The following EMC8 variants were observed in gnomAD, a reference collection of about 807,000 sequenced individuals.
The protein encoded by EMC8 is COX4 neighbor.
A neutral mutation model predicts 24.3 loss-of-function variants in EMC8; 11 were observed. The observed-to-expected ratio is 0.45, with a 90% confidence interval of 0.28 to 0.75. The LOEUF is 0.75. EMC8 is among the 30% of genes least tolerant of loss of function. The probability of loss-of-function intolerance (pLI) is 0.12; values close to 1 mark genes in which losing one functional copy is unlikely to be tolerated. For synonymous variants in EMC8, 145 were observed against 117.7 expected (o/e 1.23, Z -1.50); for missense variants, 277 against 282.7 (o/e 0.98, Z 0.14).
At chr16:85,795,491 T>A (rs1486233852) in intron 1 of EMC8, among the ~76,000 whole-genome samples, 1 of 152,136 alleles carries the variant, frequency 6.6e-6, no homozygotes, top group African/African-American at 2.4e-5. Context: ...CCCCACCTTC[T>A]CCTGCCCTCC....
rs1904503328 is a variant in EMC8, at chr16:85,781,605, T to G, written c.309-325A>C. The G allele has an allele frequency of 3.1e-5, 5 of 158,912 alleles. No homozygotes were observed. In the South Asian group the frequency reaches 4.4e-4, roughly 14 times the overall value. 9.8% of individuals were successfully genotyped at this position (158,912 alleles called of 1,614,324 possible). A position where few individuals can be genotyped will look rare whatever the true frequency, so the allele number is the denominator to read the frequency against. ...ACCACACCCAGTTACTTTTTAGTGTTTTTTTTTGCTTTTTTTTTTTTTTTT... is the reference window on the plus strand; with the variant it reads ...ACCACACCCAGTTACTTTTTAGTGTGTTTTTTTGCTTTTTTTTTTTTTTTT... On this transcript the variant is annotated intron_variant, in intron 2 of 4. Coordinates refer to ENST00000253457, the MANE Select transcript of EMC8 (RefSeq NM_006067.5).
intron 1 of EMC8, among the ~76,000 whole-genome samples, chr16:85,789,430 T>G (rs1002553639): frequency 1.3e-5 from 2 of 152,150 alleles, no homozygotes; most frequent in African/African-American, 4.8e-5. Context: ...AAACAAAGCT[T>G]AGAGAGGTTC....
chr16:85,799,013 C>T lies in EMC8; in HGVS notation c.231+52G>A. On this transcript the variant is annotated intron_variant, in intron 1 of 4. Coordinates refer to ENST00000253457, the MANE Select transcript of EMC8 (RefSeq NM_006067.5). The surrounding 1 kb of genome is among the most constrained non-coding windows in gnomAD (Gnocchi z 4.2). ...GCTGGGCCAGCTTCCTCTCTGCTGA[C>T]TGAGGGGAGGCCAGGCTGCCTGCAA... The T allele has an allele frequency of 7.7e-7, 1 of 1,293,446 alleles. No individual in the cohort carries two copies. The highest frequency in any genetic ancestry group is 1.1e-6 in the Non-Finnish European group (1 of 932,098). The allele number at this position is 1,293,446 out of a possible 1,614,324, so 80.1% of individuals were successfully genotyped here. A position where few individuals can be genotyped will look rare whatever the true frequency, so the allele number is the denominator to read the frequency against.
chr16:85,789,057 G>C lies in EMC8; in HGVS notation c.232-7C>G. 6.2e-7 allele frequency: 1 copy of C among 1,607,890 alleles called. No homozygotes were observed. The highest frequency in any genetic ancestry group is 8.5e-7 in the Non-Finnish European group (1 of 1,174,512). On this transcript the variant is annotated splice_polypyrimidine_tract_variant and splice_region_variant and intron_variant, in intron 1 of 4. Coordinates refer to ENST00000253457, the MANE Select transcript of EMC8 (RefSeq NM_006067.5). ...CTTTGCACCATGAATCAATCTGAAA[G>C]AGGAACAAAAATTGGGAAAAGATGA...
At chr16:85,780,305 C>T (rs1378319343) in intron 4 of EMC8, 74 bp downstream of exon 4, 9 of 1,047,862 alleles carry the variant, frequency 8.6e-6, no homozygotes, top group Admixed American at 1.8e-5. Flanking sequence ...AAAACACAGG[C>T]GGGGTGAGAG....
intron 1 of EMC8, among the ~76,000 whole-genome samples, chr16:85,797,789 A>T (rs1014592115): frequency 6.6e-6 from 1 of 152,254 alleles, no homozygotes; most frequent in African/African-American, 2.4e-5. Flanking sequence ...GCTACTTCTT[A>T]CATCAATTAG....
At chr16:85,789,578 G>A (rs1209456606) in intron 1 of EMC8, among the ~76,000 whole-genome samples, 1 of 151,942 alleles carries the variant, frequency 6.6e-6, no homozygotes, top group Non-Finnish European at 1.5e-5. Context: ...GATCACCTGA[G>A]GTCAAGAGTT....
chr16:85,780,443 C>A lies in EMC8; in HGVS notation c.409G>T (p.Val137Leu), dbSNP rs771586349. ...VDNTKFTMDC[V>L]APTIHVYEHH... ...TCGTACACGTGGATCGTAGGCGCTA[C>A]GCAGTCCATCGTAAACTTGGTGTTG... Residue 137 changes from valine (V) to leucine (L), a missense_variant, in exon 4 of 5, where the codon GTA (valine) becomes TTA (leucine). Coordinates refer to ENST00000253457, the MANE Select transcript of EMC8 (RefSeq NM_006067.5). 9 of 1,614,028 alleles carry A rather than the reference C, an allele frequency of 5.6e-6. No individual in the cohort carries two copies. Among genetic ancestry groups the A allele is most frequent in the African/African-American group, 2.7e-5 (2 of 74,956 alleles).
At position 85,796,490 on chromosome 16, in the gene EMC8, G is replaced by A. The variant is rs1046497852; in HGVS notation, c.231+2575C>T. ...CTGCTGCAGGCTGGGGCCATCACTC[G>A]AAGGCACTGATCTGATCACGCAACT... On this transcript the variant is annotated intron_variant, in intron 1 of 4. Coordinates refer to ENST00000253457, the MANE Select transcript of EMC8 (RefSeq NM_006067.5). Among the ~76,000 whole-genome samples, 3 of 152,102 alleles carry A rather than the reference G, an allele frequency of 2.0e-5. No homozygotes were observed. The East Asian group carries it at 5.8e-4, about 29-fold the overall frequency.
At chr16:85,780,041 G>C in intron 4 of EMC8, 174 bp from the exon 5 acceptor site, 2 of 619,014 alleles carry the variant, frequency 3.2e-6, no homozygotes, top group South Asian at 2.0e-5. Context: ...TAGAAGACAT[G>C]GTTAATACAT....
At chr16:85,785,093 T>C (rs1904691952) in intron 2 of EMC8, 1 of 152,302 alleles carries the variant, frequency 6.6e-6, no homozygotes, top group African/African-American at 2.4e-5. Context: ...ACCACAGGCG[T>C]AGGCCACCAT....
rs66645296 is a variant in EMC8, at chr16:85,779,333, C to CT, written c.*374dup. ...CACTCATTGGAGTATAAGATGTGGG[C>CT]TTTTTTTTTTTTTTTTAAAAAAAGA... On this transcript the variant is annotated 3_prime_UTR_variant, in exon 5 of 5. Coordinates refer to ENST00000253457, the MANE Select transcript of EMC8 (RefSeq NM_006067.5). 2.0e-4 allele frequency: 30 copies of CT among 152,832 alleles called. No individual in the cohort carries two copies. Among genetic ancestry groups the CT allele is most frequent in the African/African-American group, 6.6e-4 (26 of 39,298 alleles). The allele number at this position is 152,832 out of a possible 1,614,324, so 9.5% of individuals were successfully genotyped here.
chr16:85,791,151 A>C (rs1904992797), intron 1 of EMC8, among the ~76,000 whole-genome samples: 2 of 152,016 alleles, frequency 1.3e-5, no homozygotes, highest in Non-Finnish European at 2.9e-5. Context: ...GCAAGAAATA[A>C]ATTTTATTGA....
intron 1 of EMC8, among the ~76,000 whole-genome samples, chr16:85,789,467 G>C (rs955837042): frequency 6.6e-6 from 1 of 152,142 alleles, no homozygotes; most frequent in South Asian, 2.1e-4. Context: ...GATAGAAACA[G>C]AGCCAGAAGG....
intron 1 of EMC8, chr16:85,798,700 T>C (rs1381091700): frequency 8.6e-6 from 2 of 232,746 alleles, no homozygotes; most frequent in Non-Finnish European, 1.7e-5. Context: ...GCGATTAATG[T>C]CCCAACAACG....
chr16:85,784,513 T>A (rs1272449962), intron 2 of EMC8: 1 of 152,216 alleles, frequency 6.6e-6, no homozygotes, highest in Non-Finnish European at 1.5e-5. Context: ...AAGAAAAATA[T>A]GACTTAAAAA....
chr16:85,787,957 C>G (rs1904828013), intron 2 of EMC8, among the ~76,000 whole-genome samples: 1 of 152,220 alleles, frequency 6.6e-6, no homozygotes, highest in African/African-American at 2.4e-5. Context: ...TGCTTGAGCT[C>G]ACCTTCTCAT....
intron 2 of EMC8, among the ~76,000 whole-genome samples, chr16:85,786,701 A>G (rs548805119): frequency 6.6e-6 from 1 of 152,292 alleles, no homozygotes; most frequent in South Asian, 2.1e-4. Context: ...CTCCTGGAGG[A>G]CGCAGAAGGA....
At chr16:85,796,285 A>G (rs1200537108) in intron 1 of EMC8, among the ~76,000 whole-genome samples, 1 of 152,174 alleles carries the variant, frequency 6.6e-6, no homozygotes, top group African/African-American at 2.4e-5. Flanking sequence ...CGCACAAGCC[A>G]GGAACCTAGG....
Sources: allele counts gnomAD v4.1 joint callset (sites outside exome capture counted in the v4.1 genomes callset), GRCh38; gene constraint gnomAD v4.1.1; non-coding constraint Gnocchi (gnomAD v3.1); transcripts MANE v1.5; gene names NCBI Gene and HGNC (gene_info 2026-07-23, HGNC 2026-07-21).